SLC45A2: variants seen among roughly 807,000 people sequenced by gnomAD.
The protein encoded by SLC45A2 is membrane-associated transporter protein.
Under a neutral mutation model 45.5 loss-of-function variants are expected in SLC45A2, and 36 were observed. That is an observed-to-expected ratio of 0.79 (90% CI 0.61 to 1.04). SLC45A2 has a LOEUF of 1.04. Ranked by LOEUF, SLC45A2 falls within the 50% of genes least tolerant of loss-of-function variation. The pLI is 0.00. For missense variants in SLC45A2, 719 were observed against 671.0 expected, an observed-to-expected ratio of 1.07 and a Z score of -0.79; for synonymous variants, 306 against 269.3, an observed-to-expected ratio of 1.14 and a Z score of -1.33.
Position 33,950,131 on chromosome 5 carries a change from A to T in SLC45A2, c.1156+1423T>A, listed in dbSNP as rs1379607406. Among the ~76,000 whole-genome samples, 5 of 152,140 alleles carry T rather than the reference A, an allele frequency of 3.3e-5. No homozygotes were observed. In the East Asian group the frequency reaches 7.7e-4, roughly 23 times the overall value. ...CTTGAGCCCAGAAGGTTGAGGCTGC[A>T]GTGAGCCATGATCATGCCACTGCAC... On this transcript the variant is annotated intron_variant, in intron 5 of 6. Transcript: ENST00000296589.
In SLC45A2 at chr5:33,947,206, G is replaced by A. The variant is rs769448704; in HGVS notation, c.1325C>T (p.Pro442Leu). ...GVMSSTLYTV[P>L]FNLITEYHRE... ...GTGGTACTCAGTAATGAGGTTAAAG[G>A]GCACAGTGTACAGGGTGCTGGACAT... The change falls in exon 6 of 7, where the codon CCC (proline) becomes CTC (leucine). Residue 442 changes from proline (P) to leucine (L), a missense_variant. Physicochemically the swap from Pro to Leu is moderately conservative, Grantham distance 98. Transcript: ENST00000296589. The A allele has an allele frequency of 1.9e-5, 30 of 1,614,094 alleles. No individual in the cohort carries two copies. Among genetic ancestry groups the A allele is most frequent in the Non-Finnish European group, 1.5e-5 (18 of 1,180,050 alleles).
rs1407583922 is a variant in SLC45A2, at chr5:33,953,376, T to C, written c.1032+985A>G. The stretch of plus-strand genomic sequence containing the variant: ...CACCTGTTGTTTCCTGACTTTTTAA[T>C]GATTGCCATTCTAACTGGTGTGAGA... On this transcript the variant is annotated intron_variant, in intron 4 of 6. Coordinates refer to ENST00000296589, the MANE Select transcript of SLC45A2 (RefSeq NM_016180.5). Among the ~76,000 whole-genome samples, 1,103 of 145,502 alleles carry C rather than the reference T, an allele frequency of 7.6e-3. 18 individuals carry two copies. Among genetic ancestry groups the C allele is most frequent in the African/African-American group, 0.027 (1,052 of 39,038 alleles).
chr5:33,974,138 G>C (rs1487277791), intron 2 of SLC45A2, among the ~76,000 whole-genome samples: 4 of 152,180 alleles, frequency 2.6e-5, no homozygotes, highest in Non-Finnish European at 5.9e-5. Context: ...GTACCACTCT[G>C]TTAGCTCACT....
intron 2 of SLC45A2, among the ~76,000 whole-genome samples, chr5:33,979,214 T>C (rs1213616279): frequency 6.6e-6 from 1 of 152,222 alleles, no homozygotes; most frequent in African/African-American, 2.4e-5. Flanking sequence ...ATGTAAGATG[T>C]ACATTGGTTT....
intron 2 of SLC45A2, chr5:33,971,262 A>G (rs1752769622): frequency 3.4e-5 from 18 of 530,398 alleles, no homozygotes; most frequent in South Asian, 2.4e-4. Context: ...TTATTCTGAG[A>G]TTGGAGGGCT....
At chr5:33,980,787 A>G (rs755292198) in intron 2 of SLC45A2, among the ~76,000 whole-genome samples, 1 of 152,228 alleles carries the variant, frequency 6.6e-6, no homozygotes. Flanking sequence ...AGAAAGAAAA[A>G]TCAAACCCAA....
At chr5:33,946,001 G>A in intron 6 of SLC45A2, 2 of 985,448 alleles carry the variant, frequency 2.0e-6, no homozygotes, top group Non-Finnish European at 2.4e-6. Flanking sequence ...GTGTATCATT[G>A]TGAATATATT....
At chr5:33,947,901 G>C (rs1328508010) in intron 5 of SLC45A2, among the ~76,000 whole-genome samples, 1 of 152,204 alleles carries the variant, frequency 6.6e-6, no homozygotes, top group Non-Finnish European at 1.5e-5. Flanking sequence ...CTGAGAAGGA[G>C]GTAAAAGATG....
At chr5:33,949,843 G>T (rs1261180312) in intron 5 of SLC45A2, among the ~76,000 whole-genome samples, 1 of 151,778 alleles carries the variant, frequency 6.6e-6, no homozygotes, top group African/African-American at 2.4e-5. Context: ...TTATCTAGTA[G>T]GAGTTCCCTG....
chr5:33,963,288 G>A (rs899767470), intron 3 of SLC45A2, among the ~76,000 whole-genome samples: 3 of 152,058 alleles, frequency 2.0e-5, no homozygotes, highest in African/African-American at 7.2e-5. Context: ...CTCATGACAG[G>A]CAAATTCGAT....
At chr5:33,980,692 C>A (rs952184251) in intron 2 of SLC45A2, among the ~76,000 whole-genome samples, 6 of 151,176 alleles carry the variant, frequency 4.0e-5, no homozygotes, top group African/African-American at 1.5e-4. Flanking sequence ...GGAGAGACAA[C>A]CAGAAAGAAA....
At chr5:33,966,283 A>G (rs1421580471) in intron 2 of SLC45A2, among the ~76,000 whole-genome samples, 2 of 152,214 alleles carry the variant, frequency 1.3e-5, no homozygotes, top group Non-Finnish European at 2.9e-5. Flanking sequence ...ACTTTAGTTC[A>G]ATAAACATGT....
intron 6 of SLC45A2, 136 bp downstream of exon 6, chr5:33,947,027 G>T: frequency 6.2e-7 from 1 of 1,600,920 alleles, no homozygotes. Flanking sequence ...CATGGTTGCA[G>T]TTGGTTGGGC....
chr5:33,980,683 G>A lies in SLC45A2; in HGVS notation c.562+1553C>T, dbSNP rs140603453. On this transcript the variant is annotated intron_variant, in intron 2 of 6. Coordinates refer to ENST00000296589, the MANE Select transcript of SLC45A2 (RefSeq NM_016180.5). The stretch of plus-strand genomic sequence containing the variant: ...CAGCTGGGATTGATGTTCTAAATGG[G>A]AGAGACAACCAGAAAGAAAAAAGAG... Among the ~76,000 whole-genome samples, 779 of 152,258 alleles carry A rather than the reference G, an allele frequency of 5.1e-3. 5 individuals are homozygous for A. The highest frequency in any genetic ancestry group is 0.018 in the African/African-American group (750 of 41,536).
intron 2 of SLC45A2, among the ~76,000 whole-genome samples, chr5:33,966,472 C>T (rs995402179): frequency 4.8e-5 from 6 of 126,292 alleles, no homozygotes; most frequent in South Asian, 2.6e-4. Context: ...CTCGCTCTGT[C>T]GCCCAGGCCG....
At position 33,947,300 on chromosome 5, in the gene SLC45A2, C is replaced by T. The variant is rs1206509556; in HGVS notation, c.1231G>A (p.Gly411Arg). 7 of 1,614,216 alleles carry T rather than the reference C, an allele frequency of 4.3e-6. No individual in the cohort carries two copies. Among genetic ancestry groups the T allele is most frequent in the Non-Finnish European group, 4.2e-6 (5 of 1,180,042 alleles). The part of the protein sequence containing the change: ...YFTGYLLFGL[G>R]TGFIGLFPNV... ...GGGAAGAGCCCAATAAATCCCGTCC[C>T]CAGGCCAAACAGCAAATATCCCGTG... The change falls in exon 6 of 7, where the codon GGG becomes AGG. Residue 411 changes from glycine to arginine, a missense_variant. Physicochemically the swap from Gly to Arg is moderately radical, Grantham distance 125. Transcript: ENST00000296589.
intron 3 of SLC45A2, among the ~76,000 whole-genome samples, chr5:33,959,045 C>T (rs1330623947): frequency 6.6e-6 from 1 of 152,150 alleles, no homozygotes; most frequent in East Asian, 1.9e-4. Context: ...TTTTCACTTT[C>T]ACATTATTTG....
chr5:33,962,492 A>C (rs145058219), intron 3 of SLC45A2, among the ~76,000 whole-genome samples: 176 of 152,332 alleles, frequency 1.2e-3, no homozygotes, highest in African/African-American at 4.1e-3. Context: ...CTTGTCTGAA[A>C]GTTGTTGGAG....
chr5:33,964,346 G>A (rs1382807977), intron 2 of SLC45A2, among the ~76,000 whole-genome samples: 1 of 152,214 alleles, frequency 6.6e-6, no homozygotes, highest in Non-Finnish European at 1.5e-5. Flanking sequence ...GGCTTACTAA[G>A]TATTGCTACC....
Sources: gnomAD v4.1 joint callset for allele counts (sites outside exome capture counted in the v4.1 genomes callset) on GRCh38, gnomAD v4.1.1 for gene constraint, MANE v1.5 for transcripts, NCBI Gene and HGNC (gene_info 2026-07-23, HGNC 2026-07-21) for gene names.